PCDHA1: variants seen among roughly 807,000 people sequenced by gnomAD.
The protein encoded by PCDHA1 is protocadherin alpha 1.
PCDHA1 carries 42 observed loss-of-function variants against 61.3 expected under a neutral mutation model. The observed-to-expected ratio is 0.69, with a 90% CI of 0.54 to 0.89. The LOEUF is 0.89. PCDHA1 is among the 40% of genes least tolerant of loss of function. The pLI, the probability that PCDHA1 is intolerant of heterozygous loss-of-function variation, is 0.00. For synonymous variants in PCDHA1, 610 were observed against 553.8 expected (o/e 1.10, Z -1.43); for missense variants, 1,256 against 1,235.3 (o/e 1.02, Z -0.25).
At chr5:140,865,903 A>G (rs2049042220) in intron 1 of PCDHA1, 1 of 152,134 alleles carries the variant, frequency 6.6e-6, no homozygotes, top group Non-Finnish European at 1.5e-5. Flanking sequence ...GTACAGGCAA[A>G]TCTTTCTTTC....
chr5:141,009,510 C>T (rs936602953), intron 3 of PCDHA1, 117 bp from the exon 4 acceptor site: 7 of 1,498,300 alleles, frequency 4.7e-6, no homozygotes, highest in Admixed American at 4.7e-5. Flanking sequence ...ACAAACAACT[C>T]GTGATTTTTC....
intron 1 of PCDHA1, chr5:140,967,975 T>C (rs781819149): frequency 3.2e-5 from 52 of 1,614,016 alleles, no homozygotes; most frequent in African/African-American, 5.3e-5. Context: ...TGAGCCTGGG[T>C]CTGGAGGCCA....
At chr5:140,795,550 C>T in intron 1 of PCDHA1, 1 of 1,614,120 alleles carries the variant, frequency 6.2e-7, no homozygotes, top group Non-Finnish European at 8.5e-7. Context: ...GTCTCTCGTG[C>T]TGGGGAAATC....
chr5:140,849,632 A>G lies in PCDHA1; in HGVS notation c.2394+60948A>G, dbSNP rs2150443246. On this transcript the variant is annotated intron_variant, in intron 1 of 3. Transcript: ENST00000504120. ...TGATTAGTGTGATCGACCTAGACGCAGATGCCAACGGGCAGGTTACCTGCT... is the reference window on the plus strand; with the variant it reads ...TGATTAGTGTGATCGACCTAGACGCGGATGCCAACGGGCAGGTTACCTGCT... The G allele has an allele frequency of 2.5e-6, 4 of 1,598,772 alleles. No homozygotes were observed. In the South Asian group the frequency reaches 4.4e-5, roughly 18 times the overall value.
At chr5:140,797,043 G>A (rs2149925928) in intron 1 of PCDHA1, 1 of 1,613,760 alleles carries the variant, frequency 6.2e-7, no homozygotes. Context: ...AGGCTACGCT[G>A]GTGGATGTCA....
At chr5:140,857,970 C>A (rs782641512) in intron 1 of PCDHA1, 1 of 1,596,952 alleles carries the variant, frequency 6.3e-7, no homozygotes, top group Non-Finnish European at 8.6e-7. Flanking sequence ...GAGACTGACT[C>A]GCCACGCCAG....
intron 1 of PCDHA1, chr5:140,862,770 G>A (rs1554156952): frequency 3.5e-6 from 2 of 576,708 alleles, no homozygotes; most frequent in Non-Finnish European, 6.7e-6. Context: ...AGAGGTACGC[G>A]TTGCAGCCAC....
chr5:140,993,539 T>C (rs1433781690), intron 3 of PCDHA1, among the ~76,000 whole-genome samples: 7 of 128,018 alleles, frequency 5.5e-5, no homozygotes, highest in Non-Finnish European at 1.0e-4. Flanking sequence ...GAGAGAGAGA[T>C]AGAGAAGTGA....
chr5:140,941,191 T>TTTTTTTCTTTC (rs1554213809), intron 1 of PCDHA1, among the ~76,000 whole-genome samples: 6 of 93,206 alleles, frequency 6.4e-5, no homozygotes, highest in Admixed American at 2.5e-4. Context: ...GCTTCTTTTT[T>TTTTTTTCTTTC]TTTCTTTCTT....
chr5:140,793,097 A>G (rs946430807), intron 1 of PCDHA1, among the ~76,000 whole-genome samples: 1 of 152,232 alleles, frequency 6.6e-6, no homozygotes, highest in Admixed American at 6.5e-5. Context: ...AATATCCAGG[A>G]TTTTTGCTGG....
intron 3 of PCDHA1, among the ~76,000 whole-genome samples, chr5:140,994,778 G>A (rs1488910527): frequency 1.3e-5 from 2 of 152,152 alleles, no homozygotes; most frequent in Non-Finnish European, 2.9e-5. Flanking sequence ...TCCAGGCAAA[G>A]GAAACAATGC....
chr5:140,991,308 C>T (rs374484318), intron 3 of PCDHA1, among the ~76,000 whole-genome samples: 1 of 152,282 alleles, frequency 6.6e-6, no homozygotes, highest in South Asian at 2.1e-4. Flanking sequence ...ATTATCTTGT[C>T]CCGCATGATA....
rs1554148991 is a variant in PCDHA1, at chr5:140,856,698, G to A, written c.2394+68014G>A. ...TTGTTGTTGACAGCAACTGATGGAG[G>A]CAAACCTGAATTTACCGGATCTGTT... On this transcript the variant is annotated intron_variant, in intron 1 of 3. Transcript: ENST00000504120. 3.8e-6 allele frequency: 6 copies of A among 1,596,626 alleles called. 1 individual carries two copies. In the African/African-American group the frequency reaches 8.1e-5, roughly 21 times the overall value.
intron 1 of PCDHA1, chr5:140,795,719 T>A: frequency 6.2e-7 from 1 of 1,614,130 alleles, no homozygotes; most frequent in South Asian, 1.1e-5. Context: ...GTAAAATTGT[T>A]AGAGAATACG....
At chr5:140,796,894 C>T (rs143944331) in intron 1 of PCDHA1, 4 of 1,613,830 alleles carry the variant, frequency 2.5e-6, no homozygotes, top group East Asian at 2.2e-5. Context: ...TGACTCCCCT[C>T]GACACCGCCT....
intron 1 of PCDHA1, chr5:140,928,156 T>G (rs1554205560): frequency 6.2e-7 from 1 of 1,614,188 alleles, no homozygotes; most frequent in East Asian, 2.2e-5. Context: ...AGATAGTGGC[T>G]CACCCCCACT....
At chr5:140,817,217 C>T (rs1766091196) in intron 1 of PCDHA1, 1 of 152,288 alleles carries the variant, frequency 6.6e-6, no homozygotes, top group Admixed American at 6.5e-5. Flanking sequence ...TTTACTTTCT[C>T]TTTCCCTTCT....
chr5:140,867,025 C>G lies in PCDHA1; in HGVS notation c.2394+78341C>G, dbSNP rs560327933. 2.6e-5 allele frequency: 4 copies of G among 152,270 alleles called. No homozygotes were observed. The East Asian group carries it at 7.7e-4, about 29-fold the overall frequency. The allele number at this position is 152,270 out of a possible 1,614,324, so 9.4% of individuals were successfully genotyped here. Reference sequence around the variant, plus strand: ...TCATTGATTCATACACTATATCAAACTCTTTTATGACTTGGCGTTTGTTCA... The same window carrying G: ...TCATTGATTCATACACTATATCAAAGTCTTTTATGACTTGGCGTTTGTTCA... On this transcript the variant is annotated intron_variant, in intron 1 of 3. Transcript: ENST00000504120.
intron 1 of PCDHA1, among the ~76,000 whole-genome samples, chr5:140,912,342 TA>T (rs1371454067): frequency 9.7e-5 from 12 of 123,478 alleles, no homozygotes; most frequent in African/African-American, 4.4e-4. Context: ...GTACACTAAG[TA>T]TTTTTTTTTT....
Sources: allele counts gnomAD v4.1 joint callset (sites outside exome capture counted in the v4.1 genomes callset), GRCh38; gene constraint gnomAD v4.1.1; transcripts MANE v1.5; gene names NCBI Gene and HGNC (gene_info 2026-07-23, HGNC 2026-07-21).